The following CADPS2 variants were observed in gnomAD, a reference collection of about 807,000 sequenced individuals.
CADPS2 encodes the protein calcium-dependent secretion activator 2.
A neutral mutation model predicts 172.5 loss-of-function variants in CADPS2; 93 were observed. The observed-to-expected ratio is 0.54, with a 90% CI of 0.46 to 0.64. The LOEUF is 0.64. Among genes scored for constraint, CADPS2 ranks in the 30% least tolerant of loss-of-function variants. The probability of loss-of-function intolerance (pLI) is 0.00; values close to 1 mark genes in which losing one functional copy is unlikely to be tolerated. For synonymous variants in CADPS2, 546 were observed against 555.2 expected (o/e 0.98, Z 0.23); for missense variants, 1,420 against 1,565.9 (o/e 0.91, Z 1.57).
intron 15 of CADPS2, among the ~76,000 whole-genome samples, chr7:122,450,023 TCA>T (rs1157332206): frequency 2.8e-4 from 42 of 152,050 alleles, no homozygotes; most frequent in Admixed American, 2.7e-3. Context: ...TTTAAAAAAA[TCA>T]CAGAGTCTAA....
chr7:122,490,149 G>A lies in CADPS2; in HGVS notation c.1784C>T (p.Pro595Leu). ...TTTCTGGGTTTGAATTGCAGGAACT[G>A]GTTTATATGATTGACCTGTGGCCCT... is the stretch of plus-strand genomic sequence containing the variant. ...MYRATGQSYK[P>L]VPAIQTQKLN... Residue 595 changes from proline (P) to leucine (L), a missense_variant, in exon 11 of 30, where the codon CCA (proline) becomes CTA (leucine). Physicochemically the swap from Pro to Leu is moderately conservative, Grantham distance 98. Transcript: ENST00000449022. 2 of 1,613,446 alleles carry A rather than the reference G, an allele frequency of 1.2e-6. No homozygotes were observed. Among genetic ancestry groups the A allele is most frequent in the Non-Finnish European group, 8.5e-7 (1 of 1,179,564 alleles).
At chr7:122,517,528 T>C (rs778149334) in intron 8 of CADPS2, among the ~76,000 whole-genome samples, 1 of 152,106 alleles carries the variant, frequency 6.6e-6, no homozygotes, top group Non-Finnish European at 1.5e-5. Flanking sequence ...AGCAAATGTA[T>C]AAAGGTACAT....
chr7:122,821,086 T>G (rs1427699696), intron 1 of CADPS2, among the ~76,000 whole-genome samples: 4 of 152,078 alleles, frequency 2.6e-5, no homozygotes, highest in African/African-American at 4.8e-5. Context: ...CTGTTGTTCC[T>G]GGCCCAGACT....
chr7:122,762,852 CAATGATGAAGCT>C (rs2093433379), intron 1 of CADPS2, among the ~76,000 whole-genome samples: 1 of 152,014 alleles, frequency 6.6e-6, no homozygotes, highest in South Asian at 2.1e-4. Context: ...ACCTTCCTTT[CAATGATGAAGCT>C]ACAGAGAATA....
intron 2 of CADPS2, chr7:122,702,783 G>A (rs762150433): frequency 6.8e-7 from 1 of 1,473,238 alleles, no homozygotes; most frequent in Non-Finnish European, 9.2e-7. Flanking sequence ...ACAAACATGA[G>A]AAAACAAAAC....
chr7:122,576,848 C>T (rs1340270586), intron 7 of CADPS2, among the ~76,000 whole-genome samples: 1 of 151,606 alleles, frequency 6.6e-6, no homozygotes, highest in Non-Finnish European at 1.5e-5. Context: ...AAACCTCTGC[C>T]TCCCGGGTTC....
intron 9 of CADPS2, among the ~76,000 whole-genome samples, chr7:122,507,403 C>A (rs2059686934): frequency 1.3e-5 from 2 of 152,048 alleles, no homozygotes; most frequent in Non-Finnish European, 1.5e-5. Context: ...TTAAAAATAA[C>A]CCCAGTTTAT....
At chr7:122,791,502 A>C (rs576160520) in intron 1 of CADPS2, among the ~76,000 whole-genome samples, 1 of 152,334 alleles carries the variant, frequency 6.6e-6, no homozygotes, top group East Asian at 1.9e-4. Context: ...CCAGCATAGC[A>C]ACTCATAATA....
chr7:122,676,579 C>T (rs1429611335), intron 2 of CADPS2: 2 of 897,312 alleles, frequency 2.2e-6, no homozygotes, highest in Non-Finnish European at 3.4e-6. Flanking sequence ...ATTAAATATC[C>T]ACTTCACACA....
intron 28 of CADPS2, among the ~76,000 whole-genome samples, chr7:122,343,592 G>C (rs1280572216): frequency 6.6e-6 from 1 of 152,166 alleles, no homozygotes; most frequent in Non-Finnish European, 1.5e-5. Context: ...GCAGTAAATA[G>C]GTCACCGAGT....
At chr7:122,554,773 G>A (rs551921087) in intron 7 of CADPS2, 84 bp from the exon 8 acceptor site, 8 of 1,257,516 alleles carry the variant, frequency 6.4e-6, no homozygotes, top group African/African-American at 1.5e-5. Context: ...ATGTTTTCCT[G>A]TTTGAAAAAA....
intron 6 of CADPS2, among the ~76,000 whole-genome samples, chr7:122,602,314 CTTACG>C (rs2072904892): frequency 6.6e-6 from 1 of 151,876 alleles, no homozygotes. Flanking sequence ...CAATCTTCAT[CTTACG>C]ACCATTGCAA....
chr7:122,592,645 T>C (rs985107135), intron 6 of CADPS2, among the ~76,000 whole-genome samples: 1 of 152,118 alleles, frequency 6.6e-6, no homozygotes, highest in Non-Finnish European at 1.5e-5. Context: ...CACCATGGAA[T>C]ACTATGCAGC....
intron 8 of CADPS2, among the ~76,000 whole-genome samples, chr7:122,523,340 A>G (rs2060959927): frequency 6.6e-6 from 1 of 152,182 alleles, no homozygotes; most frequent in South Asian, 2.1e-4. Flanking sequence ...TGTAGTTTTC[A>G]ATAAATATAA....
chr7:122,635,548 C>T (rs759766036), intron 3 of CADPS2, among the ~76,000 whole-genome samples: 11 of 151,388 alleles, frequency 7.3e-5, no homozygotes, highest in African/African-American at 2.4e-4. Context: ...TTTGTTCTTG[C>T]GATAGTTTAC....
chr7:122,710,049 T>TAA (rs34082235), intron 2 of CADPS2, among the ~76,000 whole-genome samples: 107 of 93,510 alleles, frequency 1.1e-3, no homozygotes, highest in African/African-American at 2.9e-3. Flanking sequence ...TAAAGTATAA[T>TAA]AAAAAAAAAA....
chr7:122,669,333 G>GAAA lies in CADPS2; in HGVS notation c.454-5767_454-5765dup, dbSNP rs1305107545. Among the ~76,000 whole-genome samples, 20 of 133,008 alleles carry GAAA rather than the reference G, an allele frequency of 1.5e-4. No individual in the cohort carries two copies. The East Asian group carries it at 4.4e-3, about 30-fold the overall frequency. 87.3% of individuals were successfully genotyped at this position (133,008 alleles called of 152,430 possible). A position where few individuals can be genotyped will look rare whatever the true frequency, so the allele number is the denominator to read the frequency against. ...GTGACAGAGTGAGATCCTGTCTAAA[G>GAAA]AAAAAATATATATATATATATATTT... On this transcript the variant is annotated intron_variant, in intron 2 of 29. Transcript: ENST00000449022.
chr7:122,561,707 A>G (rs1334294389), intron 7 of CADPS2, among the ~76,000 whole-genome samples: 1 of 152,046 alleles, frequency 6.6e-6, no homozygotes, highest in Non-Finnish European at 1.5e-5. Context: ...CCAGTTTTTT[A>G]TTGAAATTAC....
intron 1 of CADPS2, among the ~76,000 whole-genome samples, chr7:122,783,537 A>G (rs997785620): frequency 4.6e-5 from 7 of 152,134 alleles, no homozygotes; most frequent in Admixed American, 1.3e-4. Flanking sequence ...TGGATGAATA[A>G]TGTACACTGA....
Sources: gnomAD v4.1 joint callset for allele counts (sites outside exome capture counted in the v4.1 genomes callset) on GRCh38, gnomAD v4.1.1 for gene constraint, MANE v1.5 for transcripts, NCBI Gene and HGNC (gene_info 2026-07-23, HGNC 2026-07-21) for gene names.